PEAK3: variants seen among roughly 807,000 people sequenced by gnomAD.
PEAK3 encodes PEAK family member 3, also known as protein PEAK3.
Under a neutral mutation model 13.3 loss-of-function variants are expected in PEAK3, and 15 were observed. The observed-to-expected ratio is 1.13, with a 90% CI of 0.75 to 1.73. PEAK3 has a LOEUF of 1.73. PEAK3 is among the 40% of genes most tolerant of loss of function. The pLI, the probability that PEAK3 is intolerant of heterozygous loss-of-function variation, is 0.00. For synonymous variants in PEAK3, 347 were observed against 341.9 expected (o/e 1.01, Z -0.17); for missense variants, 739 against 690.2 (o/e 1.07, Z -0.79).
At position 2,275,875 on chromosome 19, in the gene PEAK3, GC is replaced by G; in HGVS notation, c.1226del (p.Arg409ProfsTer27). 6.9e-7 allele frequency: 1 copy of G among 1,440,308 alleles called. No homozygotes were observed. Among genetic ancestry groups the G allele is most frequent in the Non-Finnish European group, 9.1e-7 (1 of 1,104,148 alleles). The allele number at this position is 1,440,308 out of a possible 1,614,324, so 89.2% of individuals were successfully genotyped here. On this transcript the variant is annotated frameshift_variant, in exon 4 of 4. Coordinates refer to ENST00000342063, the MANE Select transcript of PEAK3 (RefSeq NM_198532.3). LOFTEE classifies it low-confidence loss of function (END_TRUNC). ...GGAGCCAGGGACCAAGCGGTGCTCC[GC>G]GGCCGCGCAGCTCAGGCCCGGGCCC... ...LWGPGPELRG[R>X]GAPLGPWLRA...
chr19:2,278,552 C>G, intron 3 of PEAK3, 32 bp downstream of exon 3: 2 of 1,430,622 alleles, frequency 1.4e-6, no homozygotes, highest in Non-Finnish European at 9.2e-7. Context: ...GCACTGGGGA[C>G]ACCTCAGAGA....
intron 2 of PEAK3, 56 bp downstream of exon 2, chr19:2,280,793 AC>A (rs1434589369): frequency 1.2e-5 from 16 of 1,381,222 alleles, no homozygotes; most frequent in Admixed American, 2.2e-5. Context: ...CGCTCCCTGC[AC>A]CCCCCTGCCG....
rs768233669 is a variant in PEAK3 at position 2,278,837 on chromosome 19, G to A, written c.359C>T (p.Pro120Leu). Residue 120 changes from proline (P) to leucine (L), a missense_variant, in exon 3 of 4, where the codon CCA becomes CTA. Physicochemically the swap from Pro to Leu is moderately conservative, Grantham distance 98. Transcript: ENST00000342063. ...CAGATCGCGGAGGGAGAGGCCCAGT[G>A]GGGCGTCAGCCGGGCCAAAGGTCAG... The part of the protein sequence containing the change: ...AELTFGPADA[P>L]LGLSLRDLHS... 8 of 1,597,238 alleles carry A rather than the reference G, an allele frequency of 5.0e-6. No homozygotes were observed. Among genetic ancestry groups the A allele is most frequent in the South Asian group, 3.4e-5 (3 of 89,016 alleles).
chr19:2,276,105 G>A lies in PEAK3; in HGVS notation c.997C>T (p.Arg333Cys), dbSNP rs1456325322. 4 of 1,511,430 alleles carry A rather than the reference G, an allele frequency of 2.6e-6. No homozygotes were observed. Among genetic ancestry groups the A allele is most frequent in the East Asian group, 5.0e-5 (2 of 39,704 alleles). 93.6% of individuals were successfully genotyped at this position (1,511,430 alleles called of 1,614,324 possible). ...GGTCCAGGGGGCTGCAGACAGACGC[G>A]GCCAAAGTCAGTGAGGAGCAGGCGT... ...PPRLLLTDFG[R>C]VCLQPPGPPG... Residue 333 changes from arginine to cysteine, a missense_variant, in exon 4 of 4, where the codon CGC becomes TGC. Arg to Cys is a radical substitution (Grantham distance 180). Transcript: ENST00000342063.
rs1487906786 is a variant in PEAK3, at chr19:2,276,491, T to A, written c.613-2A>T. 6.6e-7 allele frequency: 1 copy of A among 1,519,988 alleles called. No individual in the cohort carries two copies. The highest frequency in any genetic ancestry group is 8.8e-7 in the Non-Finnish European group (1 of 1,140,726). 94.2% of individuals were successfully genotyped at this position (1,519,988 alleles called of 1,614,324 possible). A position where few individuals can be genotyped will look rare whatever the true frequency, so the allele number is the denominator to read the frequency against. ...CACGTCCGCCCCGGGCTTGGGCACC[T>A]GCAAGGCAGAGGGGGTGTCGGGGCC... On this transcript the variant is annotated splice_acceptor_variant, in intron 3 of 3. Transcript: ENST00000342063. LOFTEE classifies it high-confidence loss of function.
At chr19:2,277,953 C>A (rs1401467463) in intron 3 of PEAK3, among the ~76,000 whole-genome samples, 2 of 151,258 alleles carry the variant, frequency 1.3e-5, no homozygotes, top group Non-Finnish European at 2.9e-5. Context: ...AAGCTCTGCC[C>A]CCTGGGTTCA....
At chr19:2,277,730 T>A (rs992522239) in intron 3 of PEAK3, among the ~76,000 whole-genome samples, 1 of 152,044 alleles carries the variant, frequency 6.6e-6, no homozygotes, top group Non-Finnish European at 1.5e-5. Flanking sequence ...CGCGCCCGGC[T>A]AATTTTTGTA....
rs1568407645 is a variant in PEAK3 at position 2,276,269 on chromosome 19, A to G, written c.833T>C (p.Val278Ala). ...CAGCAGCAGCAGGGCCACAGCCCAC[A>G]CGAACTCCTCCGGCGGCTGCGTGCA... ...EACTQPPEEF[V>A]WAVALLLLQL... Residue 278 changes from valine to alanine, a missense_variant, in exon 4 of 4, where the codon GTG becomes GCG. Transcript: ENST00000342063. 6.3e-7 allele frequency: 1 copy of G among 1,593,128 alleles called. No individual in the cohort carries two copies. The highest frequency in any genetic ancestry group is 1.1e-5 in the South Asian group (1 of 89,404).
rs1042014290 is a variant in PEAK3 at position 2,278,938 on chromosome 19, A to G, written c.258T>C (p.Pro86=). 1.9e-6 allele frequency: 3 copies of G among 1,606,606 alleles called. No individual in the cohort carries two copies. In the African/African-American group the frequency reaches 4.0e-5, roughly 22 times the overall value. ...LHPSSIQVQP[P]RRPFLGSHSV... is the part of the protein sequence containing the mutation. Reference sequence around the variant, plus strand: ...TGTGGGACCCCAGAAAGGGTCTCCGAGGCGGCTGTACTTGGATGGAGCTGG... The same window carrying G: ...TGTGGGACCCCAGAAAGGGTCTCCGGGGCGGCTGTACTTGGATGGAGCTGG... Residue 86 remains proline, a synonymous_variant, in exon 3 of 4, where the codon CCT becomes CCC. Coordinates refer to ENST00000342063, the MANE Select transcript of PEAK3 (RefSeq NM_198532.3).
At chr19:2,277,125 T>C (rs2025397489) in intron 3 of PEAK3, among the ~76,000 whole-genome samples, 1 of 152,160 alleles carries the variant, frequency 6.6e-6, no homozygotes, top group Non-Finnish European at 1.5e-5. Context: ...TTTAGAAACA[T>C]GGTTTCCTGG....
At position 2,276,129 on chromosome 19, in the gene PEAK3, G is replaced by T. The variant is rs930452275; in HGVS notation, c.973C>A (p.Arg325Ser). 3 of 1,538,444 alleles carry T rather than the reference G, an allele frequency of 2.0e-6. No individual in the cohort carries two copies. Among genetic ancestry groups the T allele is most frequent in the East Asian group, 2.5e-5 (1 of 40,558 alleles). ...CGGCCAAAGTCAGTGAGGAGCAGGC[G>T]TGGGGGCCCCGTCGTCGCACAGCCC... The part of the protein sequence containing the change: ...PRGCATTGPP[R>S]LLLTDFGRVC... The change falls in exon 4 of 4, where the codon CGC (arginine) becomes AGC (serine). Residue 325 changes from arginine to serine, a missense_variant. By Grantham distance (110) the Arg-to-Ser change is moderately radical. Transcript: ENST00000342063.
At position 2,275,451 on chromosome 19, in the gene PEAK3, G is replaced by A. The variant is rs376449685; in HGVS notation, c.*229C>T. 28 of 381,274 alleles carry A rather than the reference G, an allele frequency of 7.3e-5. No individual in the cohort carries two copies. In the South Asian group the frequency reaches 2.9e-3, roughly 39 times the overall value. The allele number at this position is 381,274 out of a possible 1,614,324, so 23.6% of individuals were successfully genotyped here. On this transcript the variant is annotated 3_prime_UTR_variant, in exon 4 of 4. Coordinates refer to ENST00000342063, the MANE Select transcript of PEAK3 (RefSeq NM_198532.3). ...TTCAGAGAGCTGCTGCCCAACACAGGAGGCGCTGGCCAGCCCCCAGCCCTG... is the reference window on the plus strand; with the variant it reads ...TTCAGAGAGCTGCTGCCCAACACAGAAGGCGCTGGCCAGCCCCCAGCCCTG...
chr19:2,276,437 G>T lies in PEAK3; in HGVS notation c.665C>A (p.Ala222Asp). ...VPHPWGLELQ[A>D]SLSPHFNLQG... ...CAGATTGAAGTGTGGAGACAGGGAG[G>T]CCTGCAGCTCCAGGCCCCACGGGTG... is the stretch of plus-strand genomic sequence containing the variant. Residue 222 changes from alanine to aspartate, a missense_variant, in exon 4 of 4, where the codon GCC becomes GAC. Coordinates refer to ENST00000342063, the MANE Select transcript of PEAK3 (RefSeq NM_198532.3). The T allele has an allele frequency of 6.3e-7, 1 of 1,587,862 alleles. No individual in the cohort carries two copies. The highest frequency in any genetic ancestry group is 8.5e-7 in the Non-Finnish European group (1 of 1,171,284).
rs897608489 is a variant in PEAK3, at chr19:2,275,235, A to G, written c.*445T>C. The G allele has an allele frequency of 4.5e-5, 7 of 154,622 alleles. No individual in the cohort carries two copies. Among genetic ancestry groups the G allele is most frequent in the African/African-American group, 1.7e-4 (7 of 41,552 alleles). The allele number at this position is 154,622 out of a possible 1,614,324, so 9.6% of individuals were successfully genotyped here. A position where few individuals can be genotyped will look rare whatever the true frequency, so the allele number is the denominator to read the frequency against. ...GGGACAGGGGCATTCACATGCCCAA[A>G]ATCACTGGCCATCTTCAGCACAAGG... On this transcript the variant is annotated 3_prime_UTR_variant, in exon 4 of 4. Transcript: ENST00000342063.
In PEAK3 at chr19:2,279,133, G is replaced by C; in HGVS notation, c.83-20C>G. On this transcript the variant is annotated intron_variant, in intron 2 of 3. Coordinates refer to ENST00000342063, the MANE Select transcript of PEAK3 (RefSeq NM_198532.3). ...TCTGACCTGCAGGGAGAGACAGTGGGGGAGGGTTGAGGACAGGCGGAGTGG... is the reference window on the plus strand; with the variant it reads ...TCTGACCTGCAGGGAGAGACAGTGGCGGAGGGTTGAGGACAGGCGGAGTGG... The C allele has an allele frequency of 7.0e-7, 1 of 1,421,138 alleles. No individual in the cohort carries two copies. Among genetic ancestry groups the C allele is most frequent in the Non-Finnish European group, 9.2e-7 (1 of 1,082,204 alleles). 88.0% of individuals were successfully genotyped at this position (1,421,138 alleles called of 1,614,324 possible). A position where few individuals can be genotyped will look rare whatever the true frequency, so the allele number is the denominator to read the frequency against.
At chr19:2,281,346 C>G (rs1229554360) in intron 1 of PEAK3, among the ~76,000 whole-genome samples, 2 of 108,456 alleles carry the variant, frequency 1.8e-5, no homozygotes, top group Non-Finnish European at 3.8e-5. Context: ...GAGTGGGTTT[C>G]CTGCCCTCTC....
At chr19:2,281,766 G>T (rs1026180442) in intron 1 of PEAK3, among the ~76,000 whole-genome samples, 2 of 152,140 alleles carry the variant, frequency 1.3e-5, no homozygotes, top group African/African-American at 4.8e-5. Context: ...GTGTGATCCC[G>T]AGTGGGTTTC....
At chr19:2,280,061 T>C (rs1462067957) in intron 2 of PEAK3, among the ~76,000 whole-genome samples, 1 of 117,800 alleles carries the variant, frequency 8.5e-6, no homozygotes, top group African/African-American at 3.4e-5. Flanking sequence ...GCCTTTTTTT[T>C]TTTTTTTTTT....
In PEAK3 at chr19:2,275,713, C is replaced by T. The variant is rs1815326588; in HGVS notation, c.1389G>A (p.Ser463=). The T allele has an allele frequency of 1.9e-6, 3 of 1,541,008 alleles. No homozygotes were observed. Among genetic ancestry groups the T allele is most frequent in the African/African-American group, 1.4e-5 (1 of 70,772 alleles). ...ACAGCAGCGCCAGGGCCTGGCCCAT[C>T]GAGGACTCGGTGGCCTCGGCCAGGT... ...CEYLAEATES[S]MGQALALLWD is the part of the protein sequence containing the mutation. Residue 463 remains serine (S), a synonymous_variant, in exon 4 of 4, where the codon TCG becomes TCA. Coordinates refer to ENST00000342063, the MANE Select transcript of PEAK3 (RefSeq NM_198532.3).
Sources: allele counts gnomAD v4.1 joint callset (sites outside exome capture counted in the v4.1 genomes callset), GRCh38; gene constraint gnomAD v4.1.1; transcripts MANE v1.5; gene names NCBI Gene and HGNC (gene_info 2026-07-23, HGNC 2026-07-21).